LARP4B: variants seen among roughly 807,000 people sequenced by gnomAD.
LARP4B encodes the protein La ribonucleoprotein 4B, also known as la-related protein 4B.
Under a neutral mutation model 89.8 loss-of-function variants are expected in LARP4B, and 12 were observed. That is an observed-to-expected ratio of 0.13 (90% CI 0.09 to 0.22). The LOEUF (loss-of-function observed/expected upper bound fraction) is 0.22. Among genes scored for constraint, LARP4B ranks in the 10% least tolerant of loss-of-function variants. The pLI is 1.00. For missense variants in LARP4B, 757 were observed against 947.7 expected (o/e 0.80, Z 2.64); for synonymous variants, 367 against 363.3 (o/e 1.01, Z -0.12).
At chr10:897,235 A>G (rs1006205995) in intron 1 of LARP4B, among the ~76,000 whole-genome samples, 1 of 152,350 alleles carries the variant, frequency 6.6e-6, no homozygotes, top group Non-Finnish European at 1.5e-5. Context: ...ACATTTATAG[A>G]CAACTGATTT....
intron 3 of LARP4B, among the ~76,000 whole-genome samples, chr10:883,524 T>A (rs938817651): frequency 5.9e-5 from 9 of 151,574 alleles, no homozygotes; most frequent in African/African-American, 1.7e-4. Context: ...AAAATAATAA[T>A]AAAAAAATAA....
At chr10:987,237 G>A in the LARP4B span, 1 of 152,214 alleles carries the variant, frequency 6.6e-6, no homozygotes. Context: ...AGATGTAGGA[G>A]GTATGCTTAT....
intron 5 of LARP4B, among the ~76,000 whole-genome samples, chr10:851,247 G>C (rs1045581401): frequency 6.7e-6 from 1 of 148,242 alleles, no homozygotes; most frequent in Non-Finnish European, 1.5e-5. Context: ...GCAATGGTGC[G>C]ATCCTGGCTC....
intron 3 of LARP4B, among the ~76,000 whole-genome samples, chr10:867,293 A>G (rs1834950308): frequency 6.6e-6 from 1 of 152,208 alleles, no homozygotes; most frequent in Admixed American, 6.5e-5. Flanking sequence ...ACTGAATCAG[A>G]ACAAGTCTTG....
At chr10:880,523 G>A (rs1301996822) in intron 3 of LARP4B, among the ~76,000 whole-genome samples, 3 of 151,822 alleles carry the variant, frequency 2.0e-5, no homozygotes, top group South Asian at 2.1e-4. Context: ...CCATCTCTAC[G>A]AAAAATACAA....
chr10:888,944 G>C (rs1046689809), intron 1 of LARP4B, among the ~76,000 whole-genome samples: 1 of 152,202 alleles, frequency 6.6e-6, no homozygotes, highest in East Asian at 1.9e-4. Context: ...AATTAGCCGG[G>C]TGTGGTGGCA....
chr10:958,998 G>T, the LARP4B span, among the ~76,000 whole-genome samples: 2 of 152,210 alleles, frequency 1.3e-5, no homozygotes, highest in African/African-American at 4.8e-5. Flanking sequence ...GAAGAGTGGA[G>T]TCTCTGGGCA....
the LARP4B span, among the ~76,000 whole-genome samples, chr10:944,229 T>A: frequency 6.6e-6 from 1 of 152,222 alleles, no homozygotes; most frequent in Admixed American, 6.5e-5. Flanking sequence ...TTGTATCAAG[T>A]TACCTGAATG....
chr10:890,709 T>TTTA lies in LARP4B; in HGVS notation c.-39-4952_-39-4950dup, dbSNP rs551063620. On this transcript the variant is annotated intron_variant, in intron 1 of 17. Coordinates refer to ENST00000316157, the MANE Select transcript of LARP4B (RefSeq NM_015155.3). ...TTTGCAATTTTGTAGTTTGGACTTT[T>TTTA]TTATTATTATTATTATTATTTTTAA... Among the ~76,000 whole-genome samples the TTTA allele has an allele frequency of 2.2e-3, 331 of 151,980 alleles. 1 individual carries two copies. Among genetic ancestry groups the TTTA allele is most frequent in the African/African-American group, 5.6e-3 (231 of 41,480 alleles).
At chr10:985,556 A>C in the LARP4B span, 4 of 152,192 alleles carry the variant, frequency 2.6e-5, no homozygotes, top group African/African-American at 9.7e-5. Context: ...TCTGCAGAGA[A>C]TGTCAGGCTG....
chr10:973,130 A>T, the LARP4B span: 25 of 353,622 alleles, frequency 7.1e-5, no homozygotes, highest in African/African-American at 5.1e-4. Flanking sequence ...TGGTCTGGTG[A>T]TGGAGGGGGA....
At chr10:928,798 T>C (rs1837223857) in intron 1 of LARP4B, among the ~76,000 whole-genome samples, 4 of 152,134 alleles carry the variant, frequency 2.6e-5, no homozygotes, top group Admixed American at 2.0e-4. Flanking sequence ...CCCAGGCTGG[T>C]GAACTCCTGG....
chr10:893,433 A>G (rs1836096359), intron 1 of LARP4B, among the ~76,000 whole-genome samples: 1 of 152,232 alleles, frequency 6.6e-6, no homozygotes, highest in Non-Finnish European at 1.5e-5. Flanking sequence ...GAAGCTAAGT[A>G]AACTCCACGT....
the LARP4B span, among the ~76,000 whole-genome samples, chr10:945,513 C>T: frequency 2.0e-5 from 3 of 148,780 alleles, no homozygotes; most frequent in South Asian, 2.1e-4. Context: ...GGTGAAACCC[C>T]GTCTCTACTA....
intron 5 of LARP4B, among the ~76,000 whole-genome samples, chr10:853,463 C>A (rs1424021940): frequency 6.6e-6 from 1 of 152,180 alleles, no homozygotes; most frequent in Non-Finnish European, 1.5e-5. Context: ...GCAAGTGGAA[C>A]ACCTGGGGTC....
chr10:874,592 T>C (rs1835384421), intron 3 of LARP4B, among the ~76,000 whole-genome samples: 1 of 152,212 alleles, frequency 6.6e-6, no homozygotes, highest in South Asian at 2.1e-4. Context: ...TGTTTTGCTT[T>C]TAGTATAAGT....
chr10:889,554 T>C (rs947527027), intron 1 of LARP4B, among the ~76,000 whole-genome samples: 3 of 152,244 alleles, frequency 2.0e-5, no homozygotes, highest in Non-Finnish European at 4.4e-5. Flanking sequence ...TTCTTTCTCA[T>C]CATGTTGAAA....
At chr10:815,267 C>T (rs757077313) in intron 15 of LARP4B, 197 bp from the exon 16 acceptor site, 6 of 438,434 alleles carry the variant, frequency 1.4e-5, no homozygotes, top group Non-Finnish European at 2.3e-5. Context: ...TTCTCTTTCT[C>T]GGCAAATGCC....
chr10:939,113 G>A, the LARP4B span, among the ~76,000 whole-genome samples: 477 of 152,338 alleles, frequency 3.1e-3, 1 homozygote, highest in African/African-American at 0.011. Context: ...CCATGACAGC[G>A]TATGGCTCAA....
Sources: allele counts gnomAD v4.1 joint callset (sites outside exome capture counted in the v4.1 genomes callset), GRCh38; gene constraint gnomAD v4.1.1; transcripts MANE v1.5; gene names NCBI Gene and HGNC (gene_info 2026-07-23, HGNC 2026-07-21).